Variants in GABRA3 observed in about 807,000 individuals in gnomAD.
The protein encoded by GABRA3 is gamma-aminobutyric acid type A receptor subunit alpha3, also known as gamma-aminobutyric acid receptor subunit alpha-3.
GABRA3 carries 10 observed loss-of-function variants against 30.1 expected under a neutral mutation model. The observed-to-expected ratio is 0.33, with a 90% CI of 0.20 to 0.56. The LOEUF (loss-of-function observed/expected upper bound fraction) is 0.56, where lower values mean the gene tolerates loss of function less well. GABRA3 is among the 20% of genes least tolerant of loss of function. GABRA3 has a pLI of 0.89. For missense variants in GABRA3, 233 were observed against 392.0 expected, an observed-to-expected ratio of 0.59 and a Z score of 3.42; for synonymous variants, 151 against 146.8, an observed-to-expected ratio of 1.03 and a Z score of -0.21.
intron 1 of GABRA3, among the ~76,000 whole-genome samples, chrX:152,404,873 T>G (rs1010100967): frequency 1.9e-5 from 2 of 107,975 alleles, no homozygotes; most frequent in Non-Finnish European, 3.8e-5. Flanking sequence ...TAGAGTGCAG[T>G]CTTAAAAAAT....
chrX:152,436,639 C>T (rs1930783544), intron 1 of GABRA3, among the ~76,000 whole-genome samples: 2 of 111,724 alleles, frequency 1.8e-5, no homozygotes, highest in Admixed American at 1.9e-4. Context: ...GCAAAACATA[C>T]TCTTGTCAAC....
chrX:152,234,100 G>T (rs982040769), intron 5 of GABRA3, among the ~76,000 whole-genome samples: 1 of 103,692 alleles, frequency 9.6e-6, no homozygotes, highest in African/African-American at 3.6e-5. Flanking sequence ...AATGCTAGAT[G>T]AGGAGTTAGT....
chrX:152,291,441 G>A (rs1212454555), intron 3 of GABRA3, among the ~76,000 whole-genome samples: 2 of 111,645 alleles, frequency 1.8e-5, no homozygotes, highest in East Asian at 5.7e-4. Context: ...TAAATATACA[G>A]TCACGTCATC....
intron 2 of GABRA3, among the ~76,000 whole-genome samples, chrX:152,361,681 T>C (rs911124860): frequency 9.2e-6 from 1 of 109,035 alleles, no homozygotes; most frequent in African/African-American, 3.3e-5. Context: ...AGAGTCTCAC[T>C]GTGTGGCCAT....
intron 1 of GABRA3, among the ~76,000 whole-genome samples, chrX:152,432,692 A>T (rs5970306): frequency 0.26 from 28,305 of 110,708 alleles, 3,100 homozygotes; most frequent in East Asian, 0.44. Context: ...TATTAAACTA[A>T]TAAAAAATAA....
At chrX:152,252,522 G>A (rs1248658035) in intron 5 of GABRA3, among the ~76,000 whole-genome samples, 1 of 110,895 alleles carries the variant, frequency 9.0e-6, no homozygotes, top group Non-Finnish European at 1.9e-5. Flanking sequence ...TGTTGTTAAA[G>A]CTGTTATGAA....
rs1402696844 is a variant in GABRA3 at position 152,417,326 on chromosome X, T to C, written c.-27+33820A>G. On this transcript the variant is annotated intron_variant, in intron 1 of 9. Coordinates refer to ENST00000370314, the MANE Select transcript of GABRA3 (RefSeq NM_000808.4). ...AATGCAAATCAAAACCACAATGAGA[T>C]ACCACCTCACACCAGTTAGAATGGT... is the stretch of plus-strand genomic sequence containing the variant. Among the ~76,000 whole-genome samples the C allele has an allele frequency of 4.8e-5, 5 of 103,889 alleles. No individual in the cohort carries two copies. The Admixed American group carries it at 5.3e-4, about 11-fold the overall frequency. The allele number at this position is 103,889 out of a possible 115,157, so 90.2% of individuals were successfully genotyped here.
At chrX:152,274,057 G>A (rs1416059045) in intron 4 of GABRA3, among the ~76,000 whole-genome samples, 2 of 111,282 alleles carry the variant, frequency 1.8e-5, no homozygotes, top group Non-Finnish European at 3.8e-5. Context: ...AGGTAGAGCT[G>A]TAAAGTACAG....
chrX:152,235,159 G>A (rs761852306), intron 5 of GABRA3, among the ~76,000 whole-genome samples: 26 of 111,276 alleles, frequency 2.3e-4, no homozygotes, highest in Non-Finnish European at 3.8e-5. Context: ...GTGTTTTGTA[G>A]TTTTCGTTGT....
chrX:152,409,539 A>G (rs1183025798), intron 1 of GABRA3, among the ~76,000 whole-genome samples: 1 of 111,967 alleles, frequency 8.9e-6, no homozygotes, highest in Non-Finnish European at 1.9e-5. Flanking sequence ...CATAAAGCCA[A>G]AAGTCTACAT....
chrX:152,270,117 C>A lies in GABRA3; in HGVS notation c.331-14119G>T, dbSNP rs185269509. ...CATACGATATGGTTTGGCTGTGTACCCACCCAAATCTCATCTTGAAATGTA... is the reference window on the plus strand; with the variant it reads ...CATACGATATGGTTTGGCTGTGTACACACCCAAATCTCATCTTGAAATGTA... On this transcript the variant is annotated intron_variant, in intron 4 of 9. Transcript: ENST00000370314. Among the ~76,000 whole-genome samples, 413 of 111,657 alleles carry A rather than the reference C, an allele frequency of 3.7e-3. 11 individuals carry two copies. In the East Asian group the frequency reaches 0.073, roughly 20 times the overall value.
chrX:152,387,163 G>A (rs1929344700), intron 1 of GABRA3, among the ~76,000 whole-genome samples: 1 of 95,112 alleles, frequency 1.1e-5, no homozygotes, highest in African/African-American at 3.8e-5. Flanking sequence ...AGGGGGAGGG[G>A]GGAGGGATAG....
chrX:152,377,652 A>G (rs1395837378), intron 1 of GABRA3, among the ~76,000 whole-genome samples: 1 of 111,742 alleles, frequency 8.9e-6, no homozygotes, highest in East Asian at 2.8e-4. Context: ...ATTTTAAAAA[A>G]AAGAAAACAA....
At chrX:152,181,556 T>G (rs1157648836) in intron 9 of GABRA3, among the ~76,000 whole-genome samples, 1 of 109,952 alleles carries the variant, frequency 9.1e-6, no homozygotes, top group South Asian at 3.9e-4. Flanking sequence ...TCATTCTCAG[T>G]AAACTATCAC....
At chrX:152,329,309 C>G (rs182134468) in intron 3 of GABRA3, among the ~76,000 whole-genome samples, 44 of 111,894 alleles carry the variant, frequency 3.9e-4, no homozygotes, top group African/African-American at 1.4e-3. Flanking sequence ...CCCCATCAAG[C>G]TACCAATGGC....
chrX:152,261,665 C>A (rs1195853279), intron 4 of GABRA3, among the ~76,000 whole-genome samples: 2 of 112,551 alleles, frequency 1.8e-5, no homozygotes, highest in Non-Finnish European at 3.8e-5. Context: ...GGCAGCTCCA[C>A]CCCTGTGGCT....
intron 1 of GABRA3, among the ~76,000 whole-genome samples, chrX:152,420,668 C>T (rs900717644): frequency 5.0e-4 from 55 of 111,018 alleles, no homozygotes; most frequent in African/African-American, 1.7e-3. Flanking sequence ...ATTGGCAATC[C>T]GATTCTAAAA....
intron 3 of GABRA3, among the ~76,000 whole-genome samples, chrX:152,306,096 A>C (rs1042417256): frequency 1.2e-4 from 14 of 112,426 alleles, no homozygotes; most frequent in Admixed American, 1.1e-3. Flanking sequence ...CAATATCAAT[A>C]CATGATCACG....
chrX:152,215,820 A>G (rs1937709543), intron 6 of GABRA3, among the ~76,000 whole-genome samples: 1 of 111,448 alleles, frequency 9.0e-6, no homozygotes, highest in South Asian at 3.7e-4. Flanking sequence ...AAATACACAG[A>G]ATGGGAAAAA....
Sources: allele counts gnomAD v4.1 joint callset (sites outside exome capture counted in the v4.1 genomes callset), GRCh38; gene constraint gnomAD v4.1.1; transcripts MANE v1.5; gene names NCBI Gene and HGNC (gene_info 2026-07-23, HGNC 2026-07-21).